The following JAG2 variants were observed in gnomAD, a reference collection of about 807,000 sequenced individuals.
The protein encoded by JAG2 is protein jagged-2.
A neutral mutation model predicts 141.7 loss-of-function variants in JAG2; 46 were observed. The observed-to-expected ratio is 0.32, with a 90% CI of 0.26 to 0.42. JAG2 has a LOEUF of 0.42. Ranked by LOEUF, JAG2 falls within the 10% of genes least tolerant of loss-of-function variation. The pLI is 1.00. For missense variants in JAG2, 1,500 were observed against 1,817.5 expected (o/e 0.83, Z 3.18); for synonymous variants, 862 against 763.5 (o/e 1.13, Z -2.13).
chr14:105,166,525 T>TGCC (rs1461909280), intron 2 of JAG2, among the ~76,000 whole-genome samples: 2 of 152,208 alleles, frequency 1.3e-5, no homozygotes, highest in African/African-American at 4.8e-5. Context: ...GGTCAAGGGA[T>TGCC]ACTCGGCGGG....
At chr14:105,149,137 A>ACCTC in intron 13 of JAG2, 33 bp downstream of exon 13, 1 of 374,406 alleles carries the variant, frequency 2.7e-6, no homozygotes, top group Non-Finnish European at 4.0e-6. Context: ...CTGCCCCACC[A>ACCTC]CCTCCCCCAC....
At chr14:105,161,640 G>A (rs962790180) in intron 2 of JAG2, among the ~76,000 whole-genome samples, 2 of 152,076 alleles carry the variant, frequency 1.3e-5, no homozygotes, top group African/African-American at 4.8e-5. Flanking sequence ...GCTGGCTGAC[G>A]GGGCGGTACC....
rs1304420236 is a variant in JAG2 at position 105,148,499 on chromosome 14, C to CG, written c.2021-61dup. On this transcript the variant is annotated intron_variant, in intron 15 of 25. Coordinates refer to ENST00000331782, the MANE Select transcript of JAG2 (RefSeq NM_002226.5). ...TCACCGGCGCTCAGGGAGGGCTTCC[C>CG]GGGGGAGGAAGCACTGGAGCTGGGC... is the stretch of plus-strand genomic sequence containing the variant. The CG allele has an allele frequency of 4.6e-5, 37 of 801,186 alleles. No homozygotes were observed. The South Asian group carries it at 6.0e-4, about 13-fold the overall frequency. The allele number at this position is 801,186 out of a possible 1,614,324, so 49.6% of individuals were successfully genotyped here. A position where few individuals can be genotyped will look rare whatever the true frequency, so the allele number is the denominator to read the frequency against.
rs148125619 is a variant in JAG2, at chr14:105,145,965, G to A, written c.2718C>T (p.Cys906=). Residue 906 remains cysteine (C), a synonymous_variant, in exon 23 of 26, where the codon TGC becomes TGT. Coordinates refer to ENST00000331782, the MANE Select transcript of JAG2 (RefSeq NM_002226.5). ...CGGCCAGCAGACAAGGCTTCCATCCGCACCACACCTGGGCAGGCACGCACA... is the reference window on the plus strand; with the variant it reads ...CGGCCAGCAGACAAGGCTTCCATCCACACCACACCTGGGCAGGCACGCACA... ...DGRRDCSKVW[C]GWKPCLLAGQ... 4.3e-5 allele frequency: 68 copies of A among 1,591,538 alleles called. No individual in the cohort carries two copies. In the African/African-American group the frequency reaches 4.8e-4, roughly 11 times the overall value.
chr14:105,145,247 T>A (rs1209471097), intron 23 of JAG2, among the ~76,000 whole-genome samples, 186 bp from the exon 24 acceptor site: 1 of 151,688 alleles, frequency 6.6e-6, no homozygotes, highest in African/African-American at 2.4e-5. Context: ...GAGGCAGGAG[T>A]GACGGTGCCC....
intron 6 of JAG2, 32 bp from the exon 7 acceptor site, chr14:105,152,089 A>T: frequency 6.2e-7 from 1 of 1,613,052 alleles, no homozygotes; most frequent in Non-Finnish European, 8.5e-7. Context: ...TCAGGGGAAA[A>T]GCCGGCCCCC....
Position 105,168,341 on chromosome 14 carries a change from G to A in JAG2, c.66+14C>T, listed in dbSNP as rs747199663. 11 of 301,582 alleles carry A rather than the reference G, an allele frequency of 3.6e-5. No individual in the cohort carries two copies. The highest frequency in any genetic ancestry group is 1.3e-4 in the South Asian group (2 of 15,846). The allele number at this position is 301,582 out of a possible 1,614,324, so 18.7% of individuals were successfully genotyped here. On this transcript the variant is annotated intron_variant, in intron 1 of 25. Transcript: ENST00000331782. ...CCCGTCCGCGACCCCCGCCGCCCCC[G>A]CCGCCCCGCTCACCTGCACCCAGAG...
At chr14:105,168,143 C>T (rs779875226) in intron 1 of JAG2, 36 bp from the exon 2 acceptor site, 9 of 1,460,220 alleles carry the variant, frequency 6.2e-6, no homozygotes, top group South Asian at 1.3e-5. Flanking sequence ...GAGGGAGGCG[C>T]GGGCCGGGGT....
rs749177367 is a variant in JAG2 at position 105,155,637 on chromosome 14, G to C, written c.728-15C>G. On this transcript the variant is annotated splice_polypyrimidine_tract_variant and intron_variant, in intron 4 of 25. Coordinates refer to ENST00000331782, the MANE Select transcript of JAG2 (RefSeq NM_002226.5). ...TTTACACACAGCTGCGAACAGAGAG[G>C]AGCGAGAGGCACAGCTGCAGCCAGC... The C allele has an allele frequency of 2.5e-6, 4 of 1,612,536 alleles. No homozygotes were observed. The highest frequency in any genetic ancestry group is 3.4e-6 in the Non-Finnish European group (4 of 1,179,896).
rs1205605756 is a variant in JAG2, at chr14:105,145,862, G to A, written c.2821C>T (p.Pro941Ser). The A allele has an allele frequency of 6.4e-7, 1 of 1,560,566 alleles. No homozygotes were observed. Among genetic ancestry groups the A allele is most frequent in the Non-Finnish European group, 8.7e-7 (1 of 1,153,024 alleles). ...LEKAPGQCLR[P>S]PCEAWGECGA... ...CACTCCCCCCAGGCCTCACAGGGTGGTCGCAGACACTGGCCTGGGGCCTTC... is the reference window on the plus strand; with the variant it reads ...CACTCCCCCCAGGCCTCACAGGGTGATCGCAGACACTGGCCTGGGGCCTTC... The change falls in exon 23 of 26, where the codon CCA (proline) becomes TCA (serine). Residue 941 changes from proline (P) to serine (S), a missense_variant. Physicochemically the swap from Pro to Ser is moderately conservative, Grantham distance 74 (BLOSUM62 -1). Around this residue, in one of 3 missense-constraint regions of JAG2, gnomAD observed 875 missense variants for 1,202.2 expected, o/e 0.73. Transcript: ENST00000331782.
At chr14:105,145,653 G>C in intron 23 of JAG2, 78 bp downstream of exon 23, 1 of 1,526,616 alleles carries the variant, frequency 6.6e-7, no homozygotes. Flanking sequence ...CCTGCCCTGC[G>C]GGGCTAGGCT....
rs1173389097 is a variant in JAG2 at position 105,151,438 on chromosome 14, C to T, written c.1154-42G>A. On this transcript the variant is annotated intron_variant, in intron 8 of 25. Coordinates refer to ENST00000331782, the MANE Select transcript of JAG2 (RefSeq NM_002226.5). ...AAGGTGGGGCCCTGGCAGTGTGAGC[C>T]GTGGGAATAAGGTCCCCATGGGCAG... 33 of 1,574,626 alleles carry T rather than the reference C, an allele frequency of 2.1e-5. 2 individuals are homozygous for T. In the Middle Eastern group the frequency reaches 1.8e-3, roughly 87 times the overall value.
chr14:105,143,359 A>G, intron 25 of JAG2, 123 bp downstream of exon 25: 1 of 1,318,998 alleles, frequency 7.6e-7, no homozygotes, highest in Non-Finnish European at 1.1e-6. Flanking sequence ...CGGCTGGGGC[A>G]GCAGGTGCCA....
At chr14:105,158,548 G>T (rs192108758) in intron 2 of JAG2, among the ~76,000 whole-genome samples, 24 of 152,276 alleles carry the variant, frequency 1.6e-4, no homozygotes, top group Admixed American at 1.6e-3. Context: ...CCACAGGGCT[G>T]GCCCCCTGCT....
At position 105,150,918 on chromosome 14, in the gene JAG2, G is replaced by A. The variant is rs961070456; in HGVS notation, c.1382-7C>T. 3.1e-6 allele frequency: 5 copies of A among 1,594,902 alleles called. No homozygotes were observed. Among genetic ancestry groups the A allele is most frequent in the Admixed American group, 3.5e-5 (2 of 57,196 alleles). ...CCGCGACAGTCGTTGACGTCTGGGG[G>A]CAGAGGAGCAGGGTCAGAGGCGGGG... On this transcript the variant is annotated splice_polypyrimidine_tract_variant and splice_region_variant and intron_variant, in intron 10 of 25. Coordinates refer to ENST00000331782, the MANE Select transcript of JAG2 (RefSeq NM_002226.5).
chr14:105,148,050 G>T, intron 17 of JAG2, 66 bp downstream of exon 17: 1 of 1,348,738 alleles, frequency 7.4e-7, no homozygotes, highest in Non-Finnish European at 1.0e-6. Context: ...GGCCCATCGC[G>T]CCCGAGGGAG....
Position 105,145,028 on chromosome 14 carries a change from G to A in JAG2, c.2986C>T (p.Arg996Cys), listed in dbSNP as rs1180201065. The change falls in exon 24 of 26, where the codon CGC (arginine) becomes TGC (cysteine). Residue 996 changes from arginine to cysteine, a missense_variant. Arg to Cys is a radical substitution (Grantham distance 180). Around this residue, in one of 3 missense-constraint regions of JAG2, gnomAD observed 425 missense variants for 441.0 expected, o/e 0.96. Transcript: ENST00000331782. ...ACAGCCCTTGTGGCTGGCAGGGAGC[G>A]GATCCCGGAGCAAATGGCGCCCACC... is the stretch of plus-strand genomic sequence containing the variant. ...TTVGAICSGI[R>C]SLPATRAVAR... 1.9e-6 allele frequency: 3 copies of A among 1,610,034 alleles called. No individual in the cohort carries two copies. Among genetic ancestry groups the A allele is most frequent in the Non-Finnish European group, 2.5e-6 (3 of 1,179,782 alleles).
intron 2 of JAG2, among the ~76,000 whole-genome samples, chr14:105,160,556 G>T (rs1043047802): frequency 3.9e-5 from 6 of 151,950 alleles, no homozygotes; most frequent in Admixed American, 3.9e-4. Context: ...GGGGGCAGGG[G>T]CTGTTGTTCC....
In JAG2 at chr14:105,149,167, C is replaced by T. The variant is rs377414264; in HGVS notation, c.1753+3G>A. 9.3e-6 allele frequency: 15 copies of T among 1,609,254 alleles called. No individual in the cohort carries two copies. The highest frequency in any genetic ancestry group is 1.2e-5 in the Non-Finnish European group (14 of 1,178,936). On this transcript the variant is annotated splice_donor_region_variant and intron_variant, in intron 13 of 25. Transcript: ENST00000331782. The stretch of plus-strand genomic sequence containing the variant: ...CCCCACCACCCCATGCCGCACCCAG[C>T]ACCTCTGCAGGCCCCGCCAGGGCAC...
Sources: gnomAD v4.1 joint callset for allele counts (sites outside exome capture counted in the v4.1 genomes callset) on GRCh38, gnomAD v4.1.1 for gene constraint, gnomAD v4.1.1 regional missense constraint, MANE v1.5 for transcripts, NCBI Gene and HGNC (gene_info 2026-07-23, HGNC 2026-07-21) for gene names.